The following UGGT1 variants were observed in gnomAD, a reference collection of about 807,000 sequenced individuals.
UGGT1 encodes the protein UDP-glucose glycoprotein glucosyltransferase 1, also known as UDP-glucose:glycoprotein glucosyltransferase 1.
A neutral mutation model predicts 203.9 loss-of-function variants in UGGT1; 107 were observed. That is an observed-to-expected ratio of 0.52 (90% CI 0.45 to 0.62). The LOEUF (loss-of-function observed/expected upper bound fraction) is 0.62. Among genes scored for constraint, UGGT1 ranks in the 20% least tolerant of loss-of-function variants. The pLI is 0.00. For missense variants in UGGT1, 1,673 were observed against 1,867.2 expected, an observed-to-expected ratio of 0.90 and a Z score of 1.92; for synonymous variants, 628 against 653.5, an observed-to-expected ratio of 0.96 and a Z score of 0.59.
At chr2:128,146,008 TG>T (rs777495026) in intron 18 of UGGT1, 41 bp downstream of exon 18, 1 of 1,611,052 alleles carries the variant, frequency 6.2e-7, no homozygotes, top group South Asian at 1.1e-5. Context: ...AGAGAACAGT[TG>T]GCTTATATTT....
chr2:128,170,771 A>G (rs1302438414), intron 27 of UGGT1, among the ~76,000 whole-genome samples: 1 of 152,176 alleles, frequency 6.6e-6, no homozygotes, highest in Non-Finnish European at 1.5e-5. Context: ...TCTTTTAGAC[A>G]TGTACAGTGT....
chr2:128,180,860 A>T (rs762392066), intron 35 of UGGT1, 30 bp from the exon 36 acceptor site: 10 of 1,595,906 alleles, frequency 6.3e-6, no homozygotes, highest in Admixed American at 3.5e-5. Flanking sequence ...AGAAGAAATG[A>T]TTATTTGTTG....
At position 128,180,913 on chromosome 2, in the gene UGGT1, T is replaced by C; in HGVS notation, c.3924T>C (p.Asn1308=). Residue 1308 remains asparagine (N), a synonymous_variant, in exon 36 of 41, where the codon AAT becomes AAC. Coordinates refer to ENST00000259253, the MANE Select transcript of UGGT1 (RefSeq NM_020120.4). ...AGGAGTTTATACCTTACATGGCAAA[T>C]GAATACAATTTCCAGTATGAGCTTG... ...TFKEFIPYMA[N]EYNFQYELVQ... The C allele has an allele frequency of 6.2e-7, 1 of 1,613,820 alleles. No individual in the cohort carries two copies. The highest frequency in any genetic ancestry group is 1.1e-5 in the South Asian group (1 of 90,954).
intron 35 of UGGT1, among the ~76,000 whole-genome samples, 179 bp from the exon 36 acceptor site, chr2:128,180,711 C>T (rs566819954): frequency 6.6e-6 from 1 of 152,308 alleles, no homozygotes; most frequent in African/African-American, 2.4e-5. Flanking sequence ...GGGGATTTGA[C>T]AAAGGTTTAT....
intron 2 of UGGT1, among the ~76,000 whole-genome samples, chr2:128,101,832 A>G (rs1687387331): frequency 6.6e-6 from 1 of 152,212 alleles, no homozygotes; most frequent in Admixed American, 6.5e-5. Context: ...AGGAAGACCA[A>G]TGCTGATCTC....
Position 128,185,026 on chromosome 2 carries a change from A to T in UGGT1, c.4359+1237A>T, listed in dbSNP as rs534488258. 4.6e-5 allele frequency among the ~76,000 whole-genome samples: 7 copies of T among 152,124 alleles called. No individual in the cohort carries two copies. The East Asian group carries it at 9.7e-4, about 21-fold the overall frequency. On this transcript the variant is annotated intron_variant, in intron 38 of 40. Transcript: ENST00000259253. ...TGTGATACCTGGTATCTTCTAATTTATGGAGCTACTATGGATCTGATTCTG... is the reference window on the plus strand; with the variant it reads ...TGTGATACCTGGTATCTTCTAATTTTTGGAGCTACTATGGATCTGATTCTG...
chr2:128,153,652 T>A, intron 19 of UGGT1, among the ~76,000 whole-genome samples: 1 of 152,266 alleles, frequency 6.6e-6, no homozygotes, highest in African/African-American at 2.4e-5. Context: ...TTAAGGCTTA[T>A]GCATGTTGTT....
At chr2:128,092,718 G>T (rs1686927293) in intron 1 of UGGT1, among the ~76,000 whole-genome samples, 1 of 151,284 alleles carries the variant, frequency 6.6e-6, no homozygotes, top group African/African-American at 2.4e-5. Context: ...GTGAGGCAGA[G>T]TCTTGCTCTG....
At chr2:128,141,697 G>A (rs1430499607) in intron 16 of UGGT1, among the ~76,000 whole-genome samples, 1 of 151,748 alleles carries the variant, frequency 6.6e-6, no homozygotes, top group East Asian at 2.0e-4. Flanking sequence ...ACCACGCCCA[G>A]CTAATTGGGA....
chr2:128,181,902 A>G lies in UGGT1; in HGVS notation c.4084-228A>G, dbSNP rs150164855. ...GGCACAGAAAGGCTAAGCAGTTGAA[A>G]TTTGTTTTATTCCTACTCCCACACA... On this transcript the variant is annotated intron_variant, in intron 36 of 40. Coordinates refer to ENST00000259253, the MANE Select transcript of UGGT1 (RefSeq NM_020120.4). Among the ~76,000 whole-genome samples the G allele has an allele frequency of 6.3e-3, 952 of 152,318 alleles. 10 individuals carry two copies. Among genetic ancestry groups the G allele is most frequent in the African/African-American group, 0.02 (841 of 41,578 alleles).
chr2:128,140,876 T>C (rs114091926), intron 16 of UGGT1, among the ~76,000 whole-genome samples: 5,621 of 152,108 alleles, frequency 0.037, 376 homozygotes, highest in African/African-American at 0.13. Flanking sequence ...TTGGTAGAGA[T>C]GATGTCTCAC....
At chr2:128,158,559 T>C (rs1442312799) in intron 22 of UGGT1, among the ~76,000 whole-genome samples, 1 of 152,270 alleles carries the variant, frequency 6.6e-6, no homozygotes, top group African/African-American at 2.4e-5. Flanking sequence ...TTTTTCATTC[T>C]GTAGTATTAT....
intron 16 of UGGT1, chr2:128,140,008 A>C (rs1689329219): frequency 6.5e-6 from 1 of 153,670 alleles, no homozygotes. Context: ...CCCTGGCAGC[A>C]GAGAATGCTG....
At chr2:128,179,723 A>G in intron 34 of UGGT1, 63 bp from the exon 35 acceptor site, 11 of 1,400,444 alleles carry the variant, frequency 7.9e-6, no homozygotes, top group South Asian at 3.6e-5. Flanking sequence ...GATTGACTCT[A>G]CATAATGTTG....
intron 7 of UGGT1, among the ~76,000 whole-genome samples, chr2:128,115,568 G>T (rs139516269): frequency 4.4e-4 from 66 of 151,086 alleles, no homozygotes; most frequent in Admixed American, 2.2e-3. Context: ...GCAAGTAGTA[G>T]CTATTGTTGT....
At chr2:128,165,848 G>A (rs1051959880) in intron 26 of UGGT1, among the ~76,000 whole-genome samples, 1 of 151,402 alleles carries the variant, frequency 6.6e-6, no homozygotes, top group Non-Finnish European at 1.5e-5. Context: ...TGCACCTTCC[G>A]CCTTCTGGGC....
At chr2:128,183,951 A>G (rs1214640622) in intron 38 of UGGT1, among the ~76,000 whole-genome samples, 162 bp downstream of exon 38, 1 of 144,444 alleles carries the variant, frequency 6.9e-6, no homozygotes, top group Non-Finnish European at 1.6e-5. Flanking sequence ...AGAGAGAGAG[A>G]GAGAGAGAGA....
At chr2:128,178,411 G>A in intron 33 of UGGT1, 57 bp from the exon 34 acceptor site, 1 of 1,411,234 alleles carries the variant, frequency 7.1e-7, no homozygotes, top group Non-Finnish European at 9.8e-7. Context: ...TACTTTCAAA[G>A]GCCGTGTGTC....
At chr2:128,155,259 T>C (rs1026421934) in intron 19 of UGGT1, among the ~76,000 whole-genome samples, 3 of 152,204 alleles carry the variant, frequency 2.0e-5, no homozygotes, top group Admixed American at 1.3e-4. Context: ...CACATACTTA[T>C]ATGATAGCTG....
Sources: gnomAD v4.1 joint callset for allele counts (sites outside exome capture counted in the v4.1 genomes callset) on GRCh38, gnomAD v4.1.1 for gene constraint, MANE v1.5 for transcripts, NCBI Gene and HGNC (gene_info 2026-07-23, HGNC 2026-07-21) for gene names.